Variants in TIAM1 observed in about 807,000 individuals in gnomAD.
The protein encoded by TIAM1 is rho guanine nucleotide exchange factor TIAM1.
A neutral mutation model predicts 163.5 loss-of-function variants in TIAM1; 65 were observed. The observed-to-expected ratio is 0.40, with a 90% CI of 0.33 to 0.49. The LOEUF is 0.49. Among genes scored for constraint, TIAM1 ranks in the 20% least tolerant of loss-of-function variants. The pLI, the probability that TIAM1 is intolerant of heterozygous loss-of-function variation, is 0.77. For missense variants in TIAM1, 1,789 were observed against 2,044.7 expected, an observed-to-expected ratio of 0.87 and a Z score of 2.41; for synonymous variants, 833 against 810.1, an observed-to-expected ratio of 1.03 and a Z score of -0.48.
chr21:31,299,918 A>C (rs1433031290), intron 2 of TIAM1, among the ~76,000 whole-genome samples: 1 of 152,206 alleles, frequency 6.6e-6, no homozygotes, highest in African/African-American at 2.4e-5. Flanking sequence ...CAAAGGTCGG[A>C]TCTTTCCTTA....
chr21:31,237,788 TTAA>T (rs2070973236), intron 6 of TIAM1, among the ~76,000 whole-genome samples: 1 of 152,226 alleles, frequency 6.6e-6, no homozygotes, highest in Non-Finnish European at 1.5e-5. Flanking sequence ...AACAGACAAA[TTAA>T]TAACTAATAT....
intron 1 of TIAM1, among the ~76,000 whole-genome samples, chr21:31,481,204 A>AGTGTGTTT (rs2046099284): frequency 6.6e-6 from 1 of 152,164 alleles, no homozygotes; most frequent in Admixed American, 6.5e-5. Context: ...TGTACACACA[A>AGTGTGTTT]GTGTGTACAG....
At chr21:31,346,356 A>G (rs1569251667), upstream of TIAM1, among the ~76,000 whole-genome samples, 2 of 152,208 alleles carry the variant, frequency 1.3e-5, no homozygotes, top group Admixed American at 6.5e-5. Context: ...GCAGCATTCA[A>G]TCGCTGAGAA....
In TIAM1 at chr21:31,225,912, G is replaced by A. The variant is rs118190758; in HGVS notation, c.1623C>T (p.Ala541=). The change falls in exon 7 of 28, where the codon GCC becomes GCT. Residue 541 remains alanine (A), a synonymous_variant. Coordinates refer to ENST00000541036, the MANE Select transcript of TIAM1 (RefSeq NM_001353694.2). ...CCGCAGTGGCGCAGGCAGAGTGGATGGCGGTGATCCAGTTTTCAAGCTCCG... is the reference window on the plus strand; with the variant it reads ...CCGCAGTGGCGCAGGCAGAGTGGATAGCGGTGATCCAGTTTTCAAGCTCCG... ...SQTELENWIT[A]IHSACATAVA... is the part of the protein sequence containing the mutation. The A allele has an allele frequency of 2.4e-5, 39 of 1,614,194 alleles. No homozygotes were observed. The East Asian group carries it at 5.3e-4, about 22-fold the overall frequency.
chr21:31,418,341 CAAAAAAAAAAA>C lies in TIAM1; in HGVS notation c.-369+45631_-369+45641del, dbSNP rs71193114. Among the ~76,000 whole-genome samples, 106 of 34,736 alleles carry C rather than the reference CAAAAAAAAAAA, an allele frequency of 3.1e-3. 1 individual carries two copies. Among genetic ancestry groups the C allele is most frequent in the East Asian group, 0.018 (28 of 1,538 alleles). The allele number at this position is 34,736 out of a possible 152,430, so 22.8% of individuals were successfully genotyped here. ...TGGGCGACAGAGCGAGACTCTGTCTCAAAAAAAAAAAAAAAAAAAAAAAAAAAGTTGCCCTC... is the reference window on the plus strand; with the variant it reads ...TGGGCGACAGAGCGAGACTCTGTCTCAAAAAAAAAAAAAAAAGTTGCCCTC... On this transcript the variant is annotated intron_variant, in intron 2 of 28. Coordinates refer to the TIAM1 transcript ENST00000286827.
chr21:31,292,571 T>C (rs1007899464), intron 2 of TIAM1, among the ~76,000 whole-genome samples: 5 of 151,990 alleles, frequency 3.3e-5, no homozygotes, highest in Non-Finnish European at 5.9e-5. Context: ...AGTTTCACTA[T>C]GTTGGCTAGG....
chr21:31,120,503 C>T lies in TIAM1; in HGVS notation c.4641G>A (p.Ala1547=), dbSNP rs762321271. The T allele has an allele frequency of 1.1e-5, 18 of 1,614,080 alleles. No individual in the cohort carries two copies. Among genetic ancestry groups the T allele is most frequent in the Middle Eastern group, 1.6e-4 (1 of 6,084 alleles). The change falls in exon 28 of 28, where the codon GCG becomes GCA. Residue 1547 remains alanine (A), a synonymous_variant. Transcript: ENST00000541036. The surrounding 1 kb of genome is among the most constrained non-coding windows in gnomAD (Gnocchi z 4.2). The stretch of plus-strand genomic sequence containing the variant: ...GCTTCTTGAGCTGTGCCATGCGGGA[C>T]GCGTGACTATCCAGGGTTTTCCGGC... ...ERGRKTLDSH[A]SRMAQLKKQA...
intron 2 of TIAM1, among the ~76,000 whole-genome samples, chr21:31,329,918 C>T (rs1232663730): frequency 1.3e-5 from 2 of 152,192 alleles, no homozygotes; most frequent in Non-Finnish European, 2.9e-5. Context: ...AGCAAAATTA[C>T]GCAGAAAGCA....
chr21:31,428,439 C>T (rs928722900), intron 2 of TIAM1, among the ~76,000 whole-genome samples: 2 of 152,138 alleles, frequency 1.3e-5, no homozygotes, highest in Non-Finnish European at 1.5e-5. Context: ...ACCTATTACT[C>T]ATGATATACA....
chr21:31,245,372 TAAAAAAAAAAAAAAA>T, intron 6 of TIAM1, 101 bp downstream of exon 6: 1 of 208,170 alleles, frequency 4.8e-6, no homozygotes, highest in Non-Finnish European at 7.5e-6. Context: ...ATCTCACCAC[TAAAAAAAAAAAAAAA>T]AAAAAAAAAA....
intron 9 of TIAM1, among the ~76,000 whole-genome samples, chr21:31,214,951 C>T (rs2055237071): frequency 6.6e-6 from 1 of 151,952 alleles, no homozygotes; most frequent in Non-Finnish European, 1.5e-5. Context: ...TTGTCCATTT[C>T]AAATTATAGA....
At chr21:31,333,914 A>C (rs1372201329) in intron 2 of TIAM1, among the ~76,000 whole-genome samples, 2 of 152,158 alleles carry the variant, frequency 1.3e-5, no homozygotes, top group African/African-American at 4.8e-5. Flanking sequence ...CCTCCCCCCC[A>C]AAAAATTAAT....
intron 6 of TIAM1, among the ~76,000 whole-genome samples, chr21:31,227,738 T>TTA (rs1176395115): frequency 1.3e-5 from 2 of 152,196 alleles, no homozygotes; most frequent in Non-Finnish European, 2.9e-5. Context: ...GGTCATTATC[T>TTA]TATAGTTTGT....
chr21:31,382,125 G>A (rs1454809422), intron 2 of TIAM1, among the ~76,000 whole-genome samples: 1 of 152,170 alleles, frequency 6.6e-6, no homozygotes. Context: ...TCTTGAATTA[G>A]AGAATGAAAA....
intron 2 of TIAM1, among the ~76,000 whole-genome samples, chr21:31,311,673 T>C (rs2074935124): frequency 6.6e-6 from 1 of 152,196 alleles, no homozygotes; most frequent in Admixed American, 6.5e-5. Flanking sequence ...CTTCTTCACA[T>C]GGACTGAGCA....
intron 1 of TIAM1, among the ~76,000 whole-genome samples, chr21:31,538,590 G>A (rs1602519438): frequency 1.3e-5 from 2 of 152,246 alleles, no homozygotes; most frequent in Admixed American, 6.5e-5. Flanking sequence ...GCCTGAGGAC[G>A]CCCAGAATTC....
At chr21:31,150,679 A>G (rs1253133802) in intron 19 of TIAM1, among the ~76,000 whole-genome samples, 1 of 152,220 alleles carries the variant, frequency 6.6e-6, no homozygotes, top group Non-Finnish European at 1.5e-5. Context: ...TTAGGCAAAG[A>G]TTTCATAGAT....
intron 8 of TIAM1, among the ~76,000 whole-genome samples, chr21:31,221,839 T>G (rs989914980): frequency 5.9e-5 from 9 of 152,212 alleles, no homozygotes; most frequent in African/African-American, 2.2e-4. Flanking sequence ...TTTTGCAGAA[T>G]AGGCGAACTG....
chr21:31,126,110 T>C (rs779061726), intron 26 of TIAM1, among the ~76,000 whole-genome samples: 11 of 152,200 alleles, frequency 7.2e-5, no homozygotes, highest in Non-Finnish European at 1.0e-4. Flanking sequence ...GTGTTTAGCA[T>C]AGTTCATGCT....
Sources: gnomAD v4.1 joint callset for allele counts (sites outside exome capture counted in the v4.1 genomes callset) on GRCh38, gnomAD v4.1.1 for gene constraint, Gnocchi (gnomAD v3.1) non-coding constraint, MANE v1.5 for transcripts, NCBI Gene and HGNC (gene_info 2026-07-23, HGNC 2026-07-21) for gene names.